IL1RAPL2: variants seen among roughly 807,000 people sequenced by gnomAD.
IL1RAPL2 encodes the protein X-linked interleukin-1 receptor accessory protein-like 2.
In IL1RAPL2, 3 loss-of-function variants were observed where a neutral mutation model predicts 44.1. The ratio of observed to expected loss-of-function variants is 0.07; its 90% CI spans 0.03 to 0.18. The LOEUF is 0.18. Ranked by LOEUF, IL1RAPL2 falls within the 10% of genes least tolerant of loss-of-function variation. The pLI, the probability that IL1RAPL2 is intolerant of heterozygous loss-of-function variation, is 1.00. For missense variants in IL1RAPL2, 391 were observed against 496.4 expected, an observed-to-expected ratio of 0.79 and a Z score of 2.02; for synonymous variants, 181 against 178.8, an observed-to-expected ratio of 1.01 and a Z score of -0.10.
At chrX:105,366,287 T>G (rs2035294274) in intron 5 of IL1RAPL2, among the ~76,000 whole-genome samples, 2 of 111,163 alleles carry the variant, frequency 1.8e-5, no homozygotes, top group South Asian at 7.5e-4. Flanking sequence ...GCTAAAGTTA[T>G]GTCAGTTTTG....
intron 2 of IL1RAPL2, among the ~76,000 whole-genome samples, chrX:104,969,019 GTGTGTA>G (rs2030182926): frequency 9.4e-6 from 1 of 105,896 alleles, no homozygotes; most frequent in Non-Finnish European, 1.9e-5. Flanking sequence ...GTGTGTGTGT[GTGTGTA>G]AGTAAAAATA....
intron 2 of IL1RAPL2, among the ~76,000 whole-genome samples, chrX:104,884,671 C>G (rs141338084): frequency 3.5e-3 from 387 of 111,514 alleles, no homozygotes; most frequent in African/African-American, 0.012. Flanking sequence ...CAATACTGTC[C>G]TGCAGCTTGA....
chrX:104,654,265 C>T (rs1930209491), intron 1 of IL1RAPL2, among the ~76,000 whole-genome samples: 1 of 111,331 alleles, frequency 9.0e-6, no homozygotes, highest in Non-Finnish European at 1.9e-5. Context: ...ACATAAACAA[C>T]TGTAAATGCT....
intron 2 of IL1RAPL2, among the ~76,000 whole-genome samples, chrX:105,009,752 T>A (rs2147740443): frequency 9.1e-6 from 1 of 109,741 alleles, no homozygotes; most frequent in South Asian, 3.9e-4. Context: ...AGTATAATAA[T>A]AATAAAATTT....
intron 2 of IL1RAPL2, among the ~76,000 whole-genome samples, chrX:104,873,443 A>G (rs1922817397): frequency 8.9e-6 from 1 of 111,912 alleles, no homozygotes; most frequent in Non-Finnish European, 1.9e-5. Flanking sequence ...TGGTTAAGTT[A>G]TGTTGCAGTA....
intron 5 of IL1RAPL2, among the ~76,000 whole-genome samples, chrX:105,410,095 T>A (rs1300036864): frequency 9.1e-6 from 1 of 109,872 alleles, no homozygotes; most frequent in African/African-American, 3.3e-5. Flanking sequence ...AAGTGTAGGG[T>A]GCAAAGAAGT....
At chrX:105,130,772 A>C (rs2033019152) in intron 2 of IL1RAPL2, among the ~76,000 whole-genome samples, 1 of 111,015 alleles carries the variant, frequency 9.0e-6, no homozygotes, top group South Asian at 3.7e-4. Context: ...TTTTTAGTAG[A>C]TCTCTAGTAG....
intron 1 of IL1RAPL2, among the ~76,000 whole-genome samples, chrX:104,577,612 TG>T (rs1928265439): frequency 9.0e-6 from 1 of 110,973 alleles, no homozygotes; most frequent in African/African-American, 3.3e-5. Flanking sequence ...AGTACAAGGG[TG>T]GTCGGGGACT....
intron 2 of IL1RAPL2, among the ~76,000 whole-genome samples, chrX:104,942,981 T>C (rs183849973): frequency 2.4e-3 from 269 of 111,873 alleles, no homozygotes; most frequent in African/African-American, 8.4e-3. Flanking sequence ...GTTCTGTTTA[T>C]ATGGTGGATT....
chrX:104,943,073 A>G (rs1260532772), intron 2 of IL1RAPL2, among the ~76,000 whole-genome samples: 2 of 111,079 alleles, frequency 1.8e-5, no homozygotes, highest in African/African-American at 6.6e-5. Flanking sequence ...AAGCTTTTTG[A>G]TGTGCTGCTG....
At chrX:105,698,450 A>G (rs2147536751) in intron 6 of IL1RAPL2, among the ~76,000 whole-genome samples, 1 of 112,106 alleles carries the variant, frequency 8.9e-6, no homozygotes, top group Non-Finnish European at 1.9e-5. Context: ...GCTTTAGTTA[A>G]GTAAAATTTG....
intron 1 of IL1RAPL2, among the ~76,000 whole-genome samples, chrX:104,577,798 G>C (rs1236530287): frequency 9.0e-6 from 1 of 110,920 alleles, no homozygotes; most frequent in East Asian, 2.9e-4. Flanking sequence ...CATACAGAGT[G>C]GGGTGGCAGT....
At chrX:104,774,123 G>A (rs760587924) in intron 2 of IL1RAPL2, among the ~76,000 whole-genome samples, 8 of 111,699 alleles carry the variant, frequency 7.2e-5, no homozygotes, top group South Asian at 3.8e-4. Flanking sequence ...ATTATGCCAC[G>A]CTCTGTGCCA....
intron 1 of IL1RAPL2, among the ~76,000 whole-genome samples, chrX:104,637,154 G>T (rs1417783429): frequency 2.8e-5 from 3 of 108,924 alleles, no homozygotes; most frequent in African/African-American, 1.0e-4. Flanking sequence ...TAGAAACATT[G>T]CTGATTTTTG....
chrX:105,669,313 G>A (rs193235336), intron 6 of IL1RAPL2, among the ~76,000 whole-genome samples: 4 of 111,078 alleles, frequency 3.6e-5, no homozygotes, highest in Non-Finnish European at 5.7e-5. Context: ...AGTTTTCTCC[G>A]TCTTCTGCAC....
At chrX:105,292,122 G>A (rs895553867) in intron 5 of IL1RAPL2, among the ~76,000 whole-genome samples, 2 of 111,496 alleles carry the variant, frequency 1.8e-5, no homozygotes, top group African/African-American at 6.5e-5. Context: ...TTTTGATATT[G>A]AGGTATCATA....
intron 5 of IL1RAPL2, among the ~76,000 whole-genome samples, chrX:105,271,185 A>C (rs1443216054): frequency 8.9e-6 from 1 of 112,259 alleles, no homozygotes; most frequent in East Asian, 2.8e-4. Flanking sequence ...TTCTGCATTA[A>C]AACAGGATTT....
chrX:104,990,727 C>CA (rs1295907456), intron 2 of IL1RAPL2, among the ~76,000 whole-genome samples: 6 of 111,488 alleles, frequency 5.4e-5, no homozygotes, highest in Admixed American at 9.5e-5. Context: ...TTCAATAAGG[C>CA]AAAAGCATTA....
At chrX:105,212,701 G>A in intron 3 of IL1RAPL2, among the ~76,000 whole-genome samples, 1 of 111,935 alleles carries the variant, frequency 8.9e-6, no homozygotes, top group South Asian at 3.7e-4. Flanking sequence ...TCCTAACAAG[G>A]GTTGACAGAC....
Sources: allele counts gnomAD v4.1 joint callset (sites outside exome capture counted in the v4.1 genomes callset), GRCh38; gene constraint gnomAD v4.1.1; transcripts MANE v1.5; gene names NCBI Gene and HGNC (gene_info 2026-07-23, HGNC 2026-07-21).